Variants in LDLRAD4 observed in about 807,000 individuals in gnomAD.
LDLRAD4 encodes low density lipoprotein receptor class A domain containing 4, also known as low-density lipoprotein receptor class A domain-containing protein 4.
In LDLRAD4, 5 loss-of-function variants were observed where a neutral mutation model predicts 17.0. The observed-to-expected ratio is 0.29, with a 90% confidence interval of 0.15 to 0.62. LDLRAD4 has a LOEUF of 0.62. Among genes scored for constraint, LDLRAD4 ranks in the 20% least tolerant of loss-of-function variants. The probability of loss-of-function intolerance (pLI) is 0.84; values close to 1 mark genes in which losing one functional copy is unlikely to be tolerated. For missense variants in LDLRAD4, 340 were observed against 424.7 expected, an observed-to-expected ratio of 0.80 and a Z score of 1.75; for synonymous variants, 168 against 171.8, an observed-to-expected ratio of 0.98 and a Z score of 0.17.
chr18:13,361,696 C>T (rs1200672117), intron 1 of LDLRAD4, among the ~76,000 whole-genome samples: 1 of 152,128 alleles, frequency 6.6e-6, no homozygotes, highest in Non-Finnish European at 1.5e-5. Context: ...GGAGGTGAGG[C>T]CGTGCTGACA....
intron 3 of LDLRAD4, among the ~76,000 whole-genome samples, chr18:13,599,470 A>G (rs995712936): frequency 6.8e-6 from 1 of 146,890 alleles, no homozygotes; most frequent in Non-Finnish European, 1.5e-5. Flanking sequence ...TCAGCTCACT[A>G]TTCTTTGAGT....
intron 2 of LDLRAD4, among the ~76,000 whole-genome samples, chr18:13,396,221 G>A (rs1216606850): frequency 6.6e-6 from 1 of 152,142 alleles, no homozygotes; most frequent in Non-Finnish European, 1.5e-5. Context: ...GACATCTCCT[G>A]GTTCAAGATT....
intron 3 of LDLRAD4, among the ~76,000 whole-genome samples, chr18:13,524,388 TA>T: frequency 6.6e-6 from 1 of 152,352 alleles, no homozygotes; most frequent in East Asian, 1.9e-4. Flanking sequence ...GCAGGTTTTT[TA>T]TGCTTAATAA....
intron 3 of LDLRAD4, among the ~76,000 whole-genome samples, chr18:13,494,767 C>T (rs1258423787): frequency 8.1e-5 from 12 of 147,518 alleles, no homozygotes; most frequent in Non-Finnish European, 1.6e-4. Context: ...AGTTTGGGTG[C>T]CCCTAGCGCC....
chr18:13,477,512 C>T (rs923005082), intron 3 of LDLRAD4, among the ~76,000 whole-genome samples: 1 of 152,212 alleles, frequency 6.6e-6, no homozygotes, highest in Non-Finnish European at 1.5e-5. Context: ...CGGAGAAAAC[C>T]TGACTCTGTG....
intron 1 of LDLRAD4, among the ~76,000 whole-genome samples, chr18:13,249,792 C>G (rs1220809297): frequency 1.3e-5 from 2 of 152,226 alleles, no homozygotes; most frequent in African/African-American, 4.8e-5. Context: ...GTTGCCCATG[C>G]TTTTGGAGTC....
At chr18:13,279,811 T>C (rs1375210932) in intron 1 of LDLRAD4, 1 of 152,264 alleles carries the variant, frequency 6.6e-6, no homozygotes, top group African/African-American at 2.4e-5. Context: ...TTCATCGTCA[T>C]GGGCAATTTT....
intron 1 of LDLRAD4, among the ~76,000 whole-genome samples, chr18:13,232,550 C>T (rs1376751949): frequency 6.6e-6 from 1 of 152,140 alleles, no homozygotes; most frequent in East Asian, 1.9e-4. Flanking sequence ...CCCTGCGTGG[C>T]CTTGTCCGGG....
chr18:13,518,635 A>G (rs747212557), intron 3 of LDLRAD4, among the ~76,000 whole-genome samples: 11 of 152,152 alleles, frequency 7.2e-5, no homozygotes, highest in Non-Finnish European at 1.2e-4. Context: ...TAATTCTTAG[A>G]AGTACATCTA....
At chr18:13,334,734 C>T (rs548863371) in intron 1 of LDLRAD4, among the ~76,000 whole-genome samples, 2 of 152,104 alleles carry the variant, frequency 1.3e-5, no homozygotes, top group South Asian at 4.1e-4. Context: ...ATAGTACAAT[C>T]TTGAAAACTA....
At chr18:13,522,144 G>A (rs2093962382) in intron 3 of LDLRAD4, 1 of 152,084 alleles carries the variant, frequency 6.6e-6, no homozygotes, top group Non-Finnish European at 1.5e-5. Flanking sequence ...GGTGATAAAT[G>A]CTGTGGCATT....
At chr18:13,585,497 G>A (rs1405295783) in intron 3 of LDLRAD4, 1 of 152,078 alleles carries the variant, frequency 6.6e-6, no homozygotes, top group African/African-American at 2.4e-5. Flanking sequence ...GAGCAAGCAG[G>A]GTCATTCTGA....
intron 3 of LDLRAD4, among the ~76,000 whole-genome samples, chr18:13,576,266 C>T (rs1011747263): frequency 6.6e-6 from 1 of 151,760 alleles, no homozygotes; most frequent in African/African-American, 2.4e-5. Context: ...ACTAAAAATA[C>T]AAAAAATTAG....
intron 1 of LDLRAD4, among the ~76,000 whole-genome samples, chr18:13,266,809 C>T (rs899345351): frequency 4.6e-5 from 7 of 152,262 alleles, no homozygotes; most frequent in Non-Finnish European, 7.3e-5. Context: ...GTTACAGTTT[C>T]AGTCACAGCC....
At chr18:13,369,561 C>T (rs968546449) in intron 1 of LDLRAD4, among the ~76,000 whole-genome samples, 13 of 151,976 alleles carry the variant, frequency 8.6e-5, no homozygotes, top group Non-Finnish European at 1.3e-4. Flanking sequence ...AGGCAGTGTT[C>T]GGACCGTGAG....
intron 1 of LDLRAD4, among the ~76,000 whole-genome samples, chr18:13,252,715 G>A (rs1032485660): frequency 6.6e-6 from 1 of 152,238 alleles, no homozygotes; most frequent in Non-Finnish European, 1.5e-5. Context: ...GAGGAATGAA[G>A]ATGCTCTTTG....
intron 4 of LDLRAD4, among the ~76,000 whole-genome samples, chr18:13,628,572 A>G (rs919262272): frequency 2.0e-5 from 3 of 152,246 alleles, no homozygotes; most frequent in African/African-American, 7.2e-5. Context: ...TGCTATGTCT[A>G]ATTGAAGCAT....
At chr18:13,576,437 A>AAAAAAAAAAAAAAAAAAG (rs1555750703) in intron 3 of LDLRAD4, among the ~76,000 whole-genome samples, 1 of 83,598 alleles carries the variant, frequency 1.2e-5, no homozygotes, top group African/African-American at 3.1e-5. Context: ...AAAAAAAAAA[A>AAAAAAAAAAAAAAAAAAG]AAAGAAAGAA....
chr18:13,485,155 C>T (rs949853759), intron 3 of LDLRAD4, among the ~76,000 whole-genome samples: 9 of 152,248 alleles, frequency 5.9e-5, no homozygotes, highest in Admixed American at 2.6e-4. Context: ...TGCCTTCCCT[C>T]GGTGGACCTG....
Sources: allele counts gnomAD v4.1 joint callset (sites outside exome capture counted in the v4.1 genomes callset), GRCh38; gene constraint gnomAD v4.1.1; transcripts MANE v1.5; gene names NCBI Gene and HGNC (gene_info 2026-07-23, HGNC 2026-07-21).